ETV6: variants seen among roughly 807,000 people sequenced by gnomAD.
ETV6 encodes the protein ETS variant transcription factor 6.
Under a neutral mutation model 51.1 loss-of-function variants are expected in ETV6, and 16 were observed. The observed-to-expected ratio is 0.31, with a 90% CI of 0.21 to 0.48. The LOEUF is 0.48. Ranked by LOEUF, ETV6 falls within the 20% of genes least tolerant of loss-of-function variation. The pLI, the probability that ETV6 is intolerant of heterozygous loss-of-function variation, is 0.99. For missense variants in ETV6, 458 were observed against 594.8 expected, an observed-to-expected ratio of 0.77 and a Z score of 2.39; for synonymous variants, 240 against 224.1, an observed-to-expected ratio of 1.07 and a Z score of -0.64.
intron 2 of ETV6, among the ~76,000 whole-genome samples, chr12:11,821,213 A>G (rs1946075484): frequency 6.6e-6 from 1 of 151,990 alleles, no homozygotes; most frequent in African/African-American, 2.4e-5. Flanking sequence ...ATACAAAAAA[A>G]AAATTAGCTG....
At chr12:11,878,385 TAC>T (rs1183861353) in intron 5 of ETV6, among the ~76,000 whole-genome samples, 1 of 152,150 alleles carries the variant, frequency 6.6e-6, no homozygotes, top group Non-Finnish European at 1.5e-5. Context: ...AGTGCTGTAA[TAC>T]AGAGTCCTAC....
chr12:11,816,393 C>T (rs1185990762), intron 2 of ETV6, among the ~76,000 whole-genome samples: 9 of 152,074 alleles, frequency 5.9e-5, no homozygotes, highest in African/African-American at 9.7e-5. Context: ...TACAGGTGCT[C>T]GCCACCATGC....
At chr12:11,656,300 C>G (rs1591588618) in intron 1 of ETV6, among the ~76,000 whole-genome samples, 1 of 152,216 alleles carries the variant, frequency 6.6e-6, no homozygotes, top group Admixed American at 6.5e-5. Flanking sequence ...CTGTGGGACT[C>G]TAATTCCAAA....
At chr12:11,825,088 C>A (rs1240901351) in intron 2 of ETV6, among the ~76,000 whole-genome samples, 2 of 152,236 alleles carry the variant, frequency 1.3e-5, no homozygotes, top group East Asian at 3.9e-4. Context: ...GCCTTTAGAA[C>A]AATTCAAAAC....
intron 5 of ETV6, among the ~76,000 whole-genome samples, chr12:11,874,652 A>ATG (rs1251532708): frequency 0.44 from 3,844 of 8,810 alleles, 1,676 homozygotes; most frequent in Middle Eastern, 0.85. Flanking sequence ...ATATACACAT[A>ATG]TGTGTGTATA....
At chr12:11,856,977 A>C (rs1422383584) in intron 4 of ETV6, among the ~76,000 whole-genome samples, 4 of 152,214 alleles carry the variant, frequency 2.6e-5, no homozygotes, top group Admixed American at 2.6e-4. Context: ...GTGGGTAGGT[A>C]AGTAGGTGGA....
chr12:11,802,103 G>A lies in ETV6; in HGVS notation c.164-37037G>A, dbSNP rs1038497811. ...GAAACTCTGGGGAAACTTCCTGTTG[G>A]TTAGGCCACTGCCGGGGGCTGATAA... On this transcript the variant is annotated intron_variant, in intron 2 of 7. Transcript: ENST00000396373. 3.3e-5 allele frequency among the ~76,000 whole-genome samples: 5 copies of A among 152,294 alleles called. No individual in the cohort carries two copies. In the East Asian group the frequency reaches 9.6e-4, roughly 29 times the overall value.
intron 7 of ETV6, among the ~76,000 whole-genome samples, chr12:11,888,955 A>C (rs1455261416): frequency 6.6e-6 from 1 of 152,130 alleles, no homozygotes; most frequent in Non-Finnish European, 1.5e-5. Flanking sequence ...TTTATGTGTC[A>C]AGTCCTTCTC....
chr12:11,701,844 A>G (rs1864989279), intron 1 of ETV6, among the ~76,000 whole-genome samples: 1 of 152,226 alleles, frequency 6.6e-6, no homozygotes, highest in Non-Finnish European at 1.5e-5. Context: ...AGGAGAGGTC[A>G]TATTTCAAAC....
At chr12:11,812,757 C>T (rs964797448) in intron 2 of ETV6, among the ~76,000 whole-genome samples, 2 of 152,192 alleles carry the variant, frequency 1.3e-5, no homozygotes, top group African/African-American at 2.4e-5. Context: ...AGGGGAGGCT[C>T]CTGCGTGAAG....
intron 1 of ETV6, among the ~76,000 whole-genome samples, chr12:11,686,864 A>T (rs1189383020): frequency 6.6e-6 from 1 of 152,056 alleles, no homozygotes; most frequent in African/African-American, 2.4e-5. Flanking sequence ...TTAAAATTTA[A>T]GTTTGCTTGG....
At chr12:11,733,146 C>T (rs955286167) in intron 1 of ETV6, among the ~76,000 whole-genome samples, 64 of 152,146 alleles carry the variant, frequency 4.2e-4, no homozygotes, top group African/African-American at 1.4e-3. Context: ...CAGTGGCTCA[C>T]GCCTGTAATT....
At chr12:11,778,391 CT>C (rs1480038803) in intron 2 of ETV6, among the ~76,000 whole-genome samples, 1 of 152,162 alleles carries the variant, frequency 6.6e-6, no homozygotes, top group South Asian at 2.1e-4. Flanking sequence ...CTAGAAGAAA[CT>C]TTTTTCCCAG....
At chr12:11,699,220 T>C (rs951243428) in intron 1 of ETV6, among the ~76,000 whole-genome samples, 4 of 152,208 alleles carry the variant, frequency 2.6e-5, no homozygotes, top group Admixed American at 2.0e-4. Flanking sequence ...CTAGGATAAA[T>C]GGAAGGAAAC....
chr12:11,731,036 A>C (rs1223639923), intron 1 of ETV6, among the ~76,000 whole-genome samples: 2 of 152,152 alleles, frequency 1.3e-5, no homozygotes, highest in Admixed American at 6.5e-5. Flanking sequence ...AGAACAGGTG[A>C]AAGTGAGGCT....
chr12:11,844,319 C>T (rs1170090637), intron 3 of ETV6, among the ~76,000 whole-genome samples: 1 of 152,170 alleles, frequency 6.6e-6, no homozygotes, highest in African/African-American at 2.4e-5. Context: ...TCCTTCAATT[C>T]AGCAAAACTG....
chr12:11,833,638 C>CG (rs1447824483), intron 2 of ETV6, among the ~76,000 whole-genome samples: 2 of 152,198 alleles, frequency 1.3e-5, no homozygotes, highest in East Asian at 3.8e-4. Flanking sequence ...GTTTAACTTC[C>CG]CTGTGTTCTA....
At chr12:11,739,250 G>C (rs899302091) in intron 1 of ETV6, among the ~76,000 whole-genome samples, 1 of 152,112 alleles carries the variant, frequency 6.6e-6, no homozygotes, top group Non-Finnish European at 1.5e-5. Context: ...GACTATTGCT[G>C]TTGGGGAAAA....
At chr12:11,872,614 C>T (rs773708054) in intron 5 of ETV6, among the ~76,000 whole-genome samples, 1 of 151,818 alleles carries the variant, frequency 6.6e-6, no homozygotes, top group Non-Finnish European at 1.5e-5. Context: ...GTGCCTCAGC[C>T]TCCTGAGTAG....
Sources: gnomAD v4.1 joint callset for allele counts (sites outside exome capture counted in the v4.1 genomes callset) on GRCh38, gnomAD v4.1.1 for gene constraint, MANE v1.5 for transcripts, NCBI Gene and HGNC (gene_info 2026-07-23, HGNC 2026-07-21) for gene names.